Variants in FBLN1 observed in about 807,000 individuals in gnomAD.
The protein encoded by FBLN1 is fibulin 1, also known as fibulin-1.
A neutral mutation model predicts 89.7 loss-of-function variants in FBLN1; 34 were observed. That is an observed-to-expected ratio of 0.38 (90% CI 0.29 to 0.50). FBLN1 has a LOEUF of 0.50. Ranked by LOEUF, FBLN1 falls within the 20% of genes least tolerant of loss-of-function variation. The pLI is 0.92. For missense variants in FBLN1, 777 were observed against 988.1 expected (o/e 0.79, Z 2.86); for synonymous variants, 393 against 391.3 (o/e 1.00, Z -0.05).
At position 45,503,060 on chromosome 22, in the gene FBLN1, C is replaced by T. The variant is rs1362793783; in HGVS notation, c.75C>T (p.Ala25=). The change falls in exon 1 of 17, where the codon GCC becomes GCT. Residue 25 remains alanine (A), a synonymous_variant. Transcript: ENST00000327858. ...TCGGCGGCCTTGCGCTGCTGGCGGC[C>T]GGAGGTAGGGGCGTCCCGGGTCCGC... ...LLLGGLALLA[A]GVDADVLLEA... 4.0e-6 allele frequency: 5 copies of T among 1,246,588 alleles called. No homozygotes were observed. Among genetic ancestry groups the T allele is most frequent in the Non-Finnish European group, 2.0e-6 (2 of 995,942 alleles). 77.2% of individuals were successfully genotyped at this position (1,246,588 alleles called of 1,614,324 possible). A position where few individuals can be genotyped will look rare whatever the true frequency, so the allele number is the denominator to read the frequency against.
rs1040227303 is a variant in FBLN1 at position 45,549,830 on chromosome 22, G to A, written c.1574-662G>A. 6.6e-6 allele frequency among the ~76,000 whole-genome samples: 1 copy of A among 152,144 alleles called. No individual in the cohort carries two copies. Among genetic ancestry groups the A allele is most frequent in the Admixed American group, 6.5e-5 (1 of 15,276 alleles). ...GGGGCCTCTCAGTGTGGTGCCCCAG[G>A]CCCCATCCCAGGAGTCCCAGACCTG... is the stretch of plus-strand genomic sequence containing the variant. On this transcript the variant is annotated intron_variant, in intron 13 of 16. Transcript: ENST00000327858. This position sits in a 1 kb window ranked among gnomAD's most constrained non-coding sequence, Gnocchi z 5.7.
intron 16 of FBLN1, among the ~76,000 whole-genome samples, chr22:45,587,317 G>A (rs972779275): frequency 2.1e-5 from 2 of 97,294 alleles, no homozygotes; most frequent in Non-Finnish European, 4.0e-5. Context: ...ATCCATCCCC[G>A]CTGCCCGGCC....
intron 1 of FBLN1, among the ~76,000 whole-genome samples, chr22:45,514,428 C>T (rs571151032): frequency 2.2e-4 from 33 of 152,300 alleles, no homozygotes; most frequent in African/African-American, 7.5e-4. Context: ...CTAGGAAGAT[C>T]GAGGCACATC....
At chr22:45,569,842 C>T (rs2088936084) in intron 14 of FBLN1, among the ~76,000 whole-genome samples, 1 of 152,176 alleles carries the variant, frequency 6.6e-6, no homozygotes, top group Non-Finnish European at 1.5e-5. Flanking sequence ...CAATCCATTT[C>T]TCTTGGTTAG....
chr22:45,579,242 A>G lies in FBLN1; in HGVS notation c.1972+2134A>G, dbSNP rs1339552742. 6.6e-6 allele frequency among the ~76,000 whole-genome samples: 1 copy of G among 152,236 alleles called. No individual in the cohort carries two copies. Among genetic ancestry groups the G allele is most frequent in the Non-Finnish European group, 1.5e-5 (1 of 68,024 alleles). On this transcript the variant is annotated intron_variant, in intron 16 of 16. Coordinates refer to ENST00000327858, the MANE Select transcript of FBLN1 (RefSeq NM_006486.3). This position sits in a 1 kb window ranked among gnomAD's most constrained non-coding sequence, Gnocchi z 5.5. ...CTGGGGCAGAAAATCCTGGCATGTC[A>G]GAGCCTGGAGGCTCCTAGAGACCAT...
At chr22:45,585,288 A>G (rs1216669900) in intron 16 of FBLN1, among the ~76,000 whole-genome samples, 1 of 151,900 alleles carries the variant, frequency 6.6e-6, no homozygotes, top group African/African-American at 2.4e-5. Flanking sequence ...ACCTAGCTGT[A>G]CCTCTCCCCC....
At chr22:45,508,648 G>C (rs746949497) in intron 1 of FBLN1, among the ~76,000 whole-genome samples, 1 of 152,186 alleles carries the variant, frequency 6.6e-6, no homozygotes, top group Non-Finnish European at 1.5e-5. Flanking sequence ...GGTGGGGTGT[G>C]TATGAGCTTT....
intron 1 of FBLN1, among the ~76,000 whole-genome samples, chr22:45,512,651 G>A (rs1217512686): frequency 6.6e-6 from 1 of 152,220 alleles, no homozygotes; most frequent in Non-Finnish European, 1.5e-5. Flanking sequence ...GCAGGGATGC[G>A]GGAGGCACAG....
Position 45,575,319 on chromosome 22 carries a change from G to A in FBLN1, c.1840+666G>A, listed in dbSNP as rs546368958. ...TGGTGAGGTATTTGAGTGAAAGGGGGAGAAGGGGAGGAGGGTGCCCAGTGG... is the reference window on the plus strand; with the variant it reads ...TGGTGAGGTATTTGAGTGAAAGGGGAAGAAGGGGAGGAGGGTGCCCAGTGG... On this transcript the variant is annotated intron_variant, in intron 15 of 16. Coordinates refer to ENST00000327858, the MANE Select transcript of FBLN1 (RefSeq NM_006486.3). The surrounding 1 kb of genome is among the most constrained non-coding windows in gnomAD (Gnocchi z 6.3). 6.6e-6 allele frequency among the ~76,000 whole-genome samples: 1 copy of A among 152,292 alleles called. No individual in the cohort carries two copies. The highest frequency in any genetic ancestry group is 1.9e-4 in the East Asian group (1 of 5,172).
Position 45,552,465 on chromosome 22 carries a change from C to G in FBLN1, c.1697+1850C>G, listed in dbSNP as rs73442935. Reference sequence around the variant, plus strand: ...CACCCCCTCTCAGCACTGCTAACCCCTCAGACTGGAGTTTTGTATTTTACA... The same window carrying G: ...CACCCCCTCTCAGCACTGCTAACCCGTCAGACTGGAGTTTTGTATTTTACA... On this transcript the variant is annotated intron_variant, in intron 14 of 16. Coordinates refer to ENST00000327858, the MANE Select transcript of FBLN1 (RefSeq NM_006486.3). 6.1e-3 allele frequency among the ~76,000 whole-genome samples: 929 copies of G among 152,336 alleles called. 13 individuals carry two copies. The highest frequency in any genetic ancestry group is 0.021 in the African/African-American group (883 of 41,568).
chr22:45,533,951 C>T (rs947588522), intron 7 of FBLN1, 53 bp downstream of exon 7: 19 of 1,609,192 alleles, frequency 1.2e-5, no homozygotes, highest in Admixed American at 1.2e-4. Context: ...GTAGATACGG[C>T]GCGGTGGGAA....
At position 45,532,339 on chromosome 22, in the gene FBLN1, A is replaced by C. The variant is rs2146967864; in HGVS notation, c.545-724A>C. 6.6e-6 allele frequency among the ~76,000 whole-genome samples: 1 copy of C among 152,184 alleles called. No homozygotes were observed. The highest frequency in any genetic ancestry group is 1.5e-5 in the Non-Finnish European group (1 of 68,000). ...TAACCCTGAAACGGTCCTCAGGGAG[A>C]CCTGAAGCCTTGTAAAGGGCACGGA... On this transcript the variant is annotated intron_variant, in intron 5 of 16. Coordinates refer to ENST00000327858, the MANE Select transcript of FBLN1 (RefSeq NM_006486.3). This position sits in a 1 kb window ranked among gnomAD's most constrained non-coding sequence, Gnocchi z 4.2.
rs2088796759 is a variant in FBLN1, at chr22:45,556,993, C to T, written c.1697+6378C>T. On this transcript the variant is annotated intron_variant, in intron 14 of 16. Coordinates refer to ENST00000327858, the MANE Select transcript of FBLN1 (RefSeq NM_006486.3). This position sits in a 1 kb window ranked among gnomAD's most constrained non-coding sequence, Gnocchi z 4.6. The stretch of plus-strand genomic sequence containing the variant: ...CATAATATTGGACCCTGATTCAGAG[C>T]ATACATGGCCTTCTGTAGAACTTTG... Among the ~76,000 whole-genome samples, 1 of 152,178 alleles carries T rather than the reference C, an allele frequency of 6.6e-6. No homozygotes were observed. The highest frequency in any genetic ancestry group is 6.5e-5 in the Admixed American group (1 of 15,274).
chr22:45,541,584 C>T (rs1246007056), intron 9 of FBLN1, among the ~76,000 whole-genome samples: 2 of 152,218 alleles, frequency 1.3e-5, no homozygotes, highest in Non-Finnish European at 2.9e-5. Context: ...CTGGCTTGTC[C>T]TGAGCCCAAA....
rs1168631243 is a variant in FBLN1 at position 45,575,329 on chromosome 22, G to A, written c.1840+676G>A. ...TTTGAGTGAAAGGGGGAGAAGGGGA[G>A]GAGGGTGCCCAGTGGAGCAGGACAT... On this transcript the variant is annotated intron_variant, in intron 15 of 16. Transcript: ENST00000327858. This position sits in a 1 kb window ranked among gnomAD's most constrained non-coding sequence, Gnocchi z 6.3. Among the ~76,000 whole-genome samples, 1 of 152,164 alleles carries A rather than the reference G, an allele frequency of 6.6e-6. No individual in the cohort carries two copies. Among genetic ancestry groups the A allele is most frequent in the Admixed American group, 6.5e-5 (1 of 15,280 alleles).
At chr22:45,582,618 G>C (rs1421165439) in intron 16 of FBLN1, among the ~76,000 whole-genome samples, 1 of 152,208 alleles carries the variant, frequency 6.6e-6, no homozygotes, top group Non-Finnish European at 1.5e-5. Flanking sequence ...GCAGATAGAT[G>C]CTGGGGCTGG....
chr22:45,566,597 C>T (rs2088903362), intron 14 of FBLN1, among the ~76,000 whole-genome samples: 1 of 152,212 alleles, frequency 6.6e-6, no homozygotes, highest in African/African-American at 2.4e-5. Context: ...CAAGGCCCAC[C>T]TTATGGTTGA....
chr22:45,533,736 C>G (rs767352348), intron 6 of FBLN1, 25 bp from the exon 7 acceptor site: 1 of 1,607,602 alleles, frequency 6.2e-7, no homozygotes, highest in South Asian at 1.1e-5. Context: ...GCTGGTCACC[C>G]CCGCACTGCC....
intron 16 of FBLN1, among the ~76,000 whole-genome samples, chr22:45,585,870 G>A (rs746187582): frequency 3.9e-5 from 6 of 152,246 alleles, no homozygotes; most frequent in African/African-American, 7.2e-5. Flanking sequence ...GTGTGACGGC[G>A]CGTAGCCCCC....
Sources: allele counts gnomAD v4.1 joint callset (sites outside exome capture counted in the v4.1 genomes callset), GRCh38; gene constraint gnomAD v4.1.1; non-coding constraint Gnocchi (gnomAD v3.1); transcripts MANE v1.5; gene names NCBI Gene and HGNC (gene_info 2026-07-23, HGNC 2026-07-21).